HSPBP1: variants seen among roughly 807,000 people sequenced by gnomAD.
The protein encoded by HSPBP1 is hsp70-binding protein 1.
Under a neutral mutation model 41.7 loss-of-function variants are expected in HSPBP1, and 31 were observed. That is an observed-to-expected ratio of 0.74 (90% confidence interval 0.56 to 1.00). HSPBP1 has a LOEUF of 1.00. Ranked by LOEUF, HSPBP1 falls within the 50% of genes least tolerant of loss-of-function variation. The probability of loss-of-function intolerance (pLI) is 0.00; values close to 1 mark genes in which losing one functional copy is unlikely to be tolerated. For missense variants in HSPBP1, 439 were observed against 487.9 expected, an observed-to-expected ratio of 0.90 and a Z score of 0.94; for synonymous variants, 199 against 214.4, an observed-to-expected ratio of 0.93 and a Z score of 0.63.
chr19:55,265,868 C>T lies in HSPBP1; in HGVS notation c.893+18G>A, dbSNP rs1441848854. On this transcript the variant is annotated intron_variant, in intron 6 of 7. Transcript: ENST00000433386. ...GGGCCCCCACCCCAGGCCCCGTCCTCTCAAGGAGCCAAAGTACCTGCACAG... is the reference window on the plus strand; with the variant it reads ...GGGCCCCCACCCCAGGCCCCGTCCTTTCAAGGAGCCAAAGTACCTGCACAG... 5 of 1,584,380 alleles carry T rather than the reference C, an allele frequency of 3.2e-6. No individual in the cohort carries two copies. Among genetic ancestry groups the T allele is most frequent in the Non-Finnish European group, 4.3e-6 (5 of 1,166,510 alleles).
rs1009562443 is a variant in HSPBP1, at chr19:55,270,058, A to T, written c.641-3772T>A. On this transcript the variant is annotated intron_variant, in intron 4 of 7. Transcript: ENST00000433386. This position sits in a 1 kb window ranked among gnomAD's most constrained non-coding sequence, Gnocchi z 5.4. ...ACCCTGCAAATGGCTCCCAGCACGGAACTCCAGTAATGGTACTGGACAGCC... is the reference window on the plus strand; with the variant it reads ...ACCCTGCAAATGGCTCCCAGCACGGTACTCCAGTAATGGTACTGGACAGCC... Among the ~76,000 whole-genome samples, 9 of 152,270 alleles carry T rather than the reference A, an allele frequency of 5.9e-5. No homozygotes were observed. Among genetic ancestry groups the T allele is most frequent in the Non-Finnish European group, 1.2e-4 (8 of 68,014 alleles).
chr19:55,263,272 A>G (rs1377698908), intron 7 of HSPBP1, among the ~76,000 whole-genome samples: 1 of 152,200 alleles, frequency 6.6e-6, no homozygotes, highest in Non-Finnish European at 1.5e-5. Context: ...TGTAAACTGG[A>G]CTGGAGTACT....
chr19:55,266,538 CCAT>C (rs2087793513), intron 4 of HSPBP1, among the ~76,000 whole-genome samples: 1 of 22,500 alleles, frequency 4.4e-5, no homozygotes, highest in Non-Finnish European at 1.1e-4. Flanking sequence ...ACCATCATCA[CCAT>C]GACATCACCA....
intron 4 of HSPBP1, 62 bp downstream of exon 4, chr19:55,274,336 G>A (rs565035683): frequency 2.5e-6 from 2 of 788,098 alleles, no homozygotes; most frequent in Admixed American, 2.4e-5. Context: ...GATCCCGGGG[G>A]CCCACCCGGC....
Position 55,274,379 on chromosome 19 carries a change from G to GCCCCCCCCCCCCC in HSPBP1, c.640+18_640+19insGGGGGGGGGGGGG. On this transcript the variant is annotated intron_variant, in intron 4 of 7. Coordinates refer to ENST00000433386, the MANE Select transcript of HSPBP1 (RefSeq NM_012267.5). Reference sequence around the variant, plus strand: ...CCCACCGCCAGCACCCCTGTCCCCAGCCCCACCCGGACACTCACAGGAGAT... The same window carrying GCCCCCCCCCCCCC: ...CCCACCGCCAGCACCCCTGTCCCCAGCCCCCCCCCCCCCCCCCACCCGGACACTCACAGGAGAT... 1 of 215,134 alleles carries GCCCCCCCCCCCCC rather than the reference G, an allele frequency of 4.6e-6. No individual in the cohort carries two copies. The highest frequency in any genetic ancestry group is 6.8e-6 in the Non-Finnish European group (1 of 147,000). 13.3% of individuals were successfully genotyped at this position (215,134 alleles called of 1,614,324 possible). A position where few individuals can be genotyped will look rare whatever the true frequency, so the allele number is the denominator to read the frequency against.
At chr19:55,264,645 T>C (rs368081211) in intron 7 of HSPBP1, among the ~76,000 whole-genome samples, 7 of 152,304 alleles carry the variant, frequency 4.6e-5, no homozygotes, top group African/African-American at 1.7e-4. Context: ...TTGAGTGATA[T>C]TATATTCAAT....
intron 7 of HSPBP1, among the ~76,000 whole-genome samples, chr19:55,263,045 T>TA (rs1472735210): frequency 2.6e-5 from 4 of 151,974 alleles, no homozygotes; most frequent in South Asian, 2.1e-4. Context: ...CTACGTAATA[T>TA]AAAAAATACT....
Position 55,274,407 on chromosome 19 carries a change from C to A in HSPBP1, c.631G>T (p.Ala211Ser), listed in dbSNP as rs767671307. Residue 211 changes from alanine (A) to serine (S), a missense_variant, in exon 4 of 8, where the codon GCC becomes TCC. Coordinates refer to ENST00000433386, the MANE Select transcript of HSPBP1 (RefSeq NM_012267.5). ...CCACCCGGACACTCACAGGAGATGG[C>A]GAAGAGGGCCTTGACGCGCACCGTG... ...CDTVRVKALF[A>S]ISCLVREQEA... 4 of 1,280,826 alleles carry A rather than the reference C, an allele frequency of 3.1e-6. No individual in the cohort carries two copies. The highest frequency in any genetic ancestry group is 4.0e-6 in the Non-Finnish European group (4 of 989,526). The allele number at this position is 1,280,826 out of a possible 1,614,324, so 79.3% of individuals were successfully genotyped here.
At chr19:55,274,360 G>A (rs561119127) in intron 4 of HSPBP1, 38 bp downstream of exon 4, 5 of 222,590 alleles carry the variant, frequency 2.2e-5, no homozygotes, top group South Asian at 6.1e-5. Context: ...CCCCCCCACC[G>A]CCAGCACCCC....
intron 4 of HSPBP1, among the ~76,000 whole-genome samples, chr19:55,267,408 C>T (rs952102134): frequency 5.3e-4 from 81 of 151,978 alleles, no homozygotes; most frequent in Non-Finnish European, 8.5e-4. Context: ...GCCTGGGCCT[C>T]CCAAAGTGCT....
intron 4 of HSPBP1, among the ~76,000 whole-genome samples, chr19:55,271,371 C>T (rs572615394): frequency 2.0e-5 from 3 of 152,172 alleles, no homozygotes; most frequent in African/African-American, 7.2e-5. Flanking sequence ...ACCAAGATGA[C>T]CTAAAGACTT....
intron 3 of HSPBP1, among the ~76,000 whole-genome samples, chr19:55,274,916 G>T (rs925869679): frequency 6.6e-6 from 1 of 152,186 alleles, no homozygotes; most frequent in African/African-American, 2.4e-5. Context: ...GGGCTCAGGA[G>T]AAACCAGCCC....
At chr19:55,265,801 C>A in intron 6 of HSPBP1, 85 bp downstream of exon 6, 2 of 856,594 alleles carry the variant, frequency 2.3e-6, no homozygotes. Flanking sequence ...CTCCTGAGTC[C>A]CTACGGGCTG....
chr19:55,262,739 T>A, intron 7 of HSPBP1, 57 bp from the exon 8 acceptor site: 2 of 1,517,160 alleles, frequency 1.3e-6, no homozygotes, highest in Admixed American at 1.9e-5. Flanking sequence ...GGACCCTGCC[T>A]CCAGCATTCT....
chr19:55,267,446 C>T lies in HSPBP1; in HGVS notation c.641-1160G>A, dbSNP rs181902980. Among the ~76,000 whole-genome samples, 40 of 144,804 alleles carry T rather than the reference C, an allele frequency of 2.8e-4. 1 individual carries two copies. The East Asian group carries it at 5.1e-3, about 19-fold the overall frequency. The allele number at this position is 144,804 out of a possible 152,430, so 95.0% of individuals were successfully genotyped here. On this transcript the variant is annotated intron_variant, in intron 4 of 7. Transcript: ENST00000433386. ...GATTACAGGCATGAGCCATTGCGCC[C>T]GGCTGTGTCATCTCTCTCTTTTTTT...
intron 2 of HSPBP1, among the ~76,000 whole-genome samples, chr19:55,278,923 C>CCCAAAA (rs764250410): frequency 3.3e-5 from 3 of 90,666 alleles, no homozygotes; most frequent in Non-Finnish European, 6.6e-5. Flanking sequence ...CTGCCCCCAC[C>CCCAAAA]AAAAAAAAAA....
chr19:55,279,284 G>T, intron 2 of HSPBP1, 115 bp downstream of exon 2: 2 of 858,386 alleles, frequency 2.3e-6, no homozygotes, highest in Non-Finnish European at 3.7e-6. Context: ...CTGGTTTTCT[G>T]CCTCCCACCC....
intron 7 of HSPBP1, among the ~76,000 whole-genome samples, 166 bp from the exon 8 acceptor site, chr19:55,262,848 T>G (rs1189122729): frequency 6.6e-6 from 1 of 152,210 alleles, no homozygotes; most frequent in Non-Finnish European, 1.5e-5. Flanking sequence ...CATGATTCAC[T>G]GTCTTCACAC....
At position 55,272,406 on chromosome 19, in the gene HSPBP1, T is replaced by G. The variant is rs1244924087; in HGVS notation, c.640+1992A>C. Among the ~76,000 whole-genome samples, 1 of 152,172 alleles carries G rather than the reference T, an allele frequency of 6.6e-6. No homozygotes were observed. The highest frequency in any genetic ancestry group is 1.5e-5 in the Non-Finnish European group (1 of 68,030). ...CAGAAAAGGCCTCACGGTGTGGGAT[T>G]CCGTTTGTACAAATGTCCCGGAGAG... is the stretch of plus-strand genomic sequence containing the variant. On this transcript the variant is annotated intron_variant, in intron 4 of 7. Coordinates refer to ENST00000433386, the MANE Select transcript of HSPBP1 (RefSeq NM_012267.5). The surrounding 1 kb of genome is among the most constrained non-coding windows in gnomAD (Gnocchi z 4.2).
Sources: allele counts gnomAD v4.1 joint callset (sites outside exome capture counted in the v4.1 genomes callset), GRCh38; gene constraint gnomAD v4.1.1; non-coding constraint Gnocchi (gnomAD v3.1); transcripts MANE v1.5; gene names NCBI Gene and HGNC (gene_info 2026-07-23, HGNC 2026-07-21).